The following KIAA0825 variants were observed in gnomAD, a reference collection of about 807,000 sequenced individuals.
The protein encoded by KIAA0825 is KIAA0825.
A neutral mutation model predicts 147.6 loss-of-function variants in KIAA0825; 119 were observed. The ratio of observed to expected loss-of-function variants is 0.81; its 90% CI spans 0.69 to 0.94. The LOEUF is 0.94. Among genes scored for constraint, KIAA0825 ranks in the 40% least tolerant of loss-of-function variants. The pLI is 0.00. For missense variants in KIAA0825, 1,381 were observed against 1,472.7 expected (o/e 0.94, Z 1.02); for synonymous variants, 470 against 518.1 (o/e 0.91, Z 1.26).
chr5:94,593,923 T>A (rs1303488161), intron 1 of KIAA0825: 1 of 434,664 alleles, frequency 2.3e-6, no homozygotes, highest in Non-Finnish European at 4.6e-6. Flanking sequence ...TATCCAGAAT[T>A]GAAGCAGTTT....
chr5:94,394,548 A>C (rs1345767210), intron 17 of KIAA0825, among the ~76,000 whole-genome samples: 1 of 152,168 alleles, frequency 6.6e-6, no homozygotes, highest in African/African-American at 2.4e-5. Flanking sequence ...TAAGGAAAAA[A>C]TTTAGCTTAT....
chr5:94,563,857 G>A (rs1409772477), intron 2 of KIAA0825, among the ~76,000 whole-genome samples: 2 of 151,596 alleles, frequency 1.3e-5, no homozygotes, highest in African/African-American at 4.9e-5. Context: ...GCTAATTTTT[G>A]CATTTTTAGT....
At chr5:94,541,916 A>G (rs1283376014) in intron 2 of KIAA0825, among the ~76,000 whole-genome samples, 1 of 152,268 alleles carries the variant, frequency 6.6e-6, no homozygotes, top group Non-Finnish European at 1.5e-5. Context: ...ACGTTCCAAA[A>G]TTATGCAAAA....
chr5:94,246,557 A>G (rs1442556829), intron 20 of KIAA0825, among the ~76,000 whole-genome samples: 2 of 152,136 alleles, frequency 1.3e-5, no homozygotes, highest in South Asian at 2.1e-4. Flanking sequence ...AAACTGTTAC[A>G]TATGCATTAC....
chr5:94,516,134 T>C (rs1006236764), intron 5 of KIAA0825, among the ~76,000 whole-genome samples: 1 of 152,158 alleles, frequency 6.6e-6, no homozygotes, highest in Admixed American at 6.5e-5. Context: ...TTAAGTCTAA[T>C]CACAAGCTTA....
chr5:94,470,990 G>A (rs1761147962), intron 9 of KIAA0825, among the ~76,000 whole-genome samples: 1 of 152,122 alleles, frequency 6.6e-6, no homozygotes, highest in Admixed American at 6.5e-5. Flanking sequence ...ACTGCCAGAT[G>A]CTTCCTCTTC....
chr5:94,453,098 A>G (rs1221982254), intron 12 of KIAA0825, 29 bp from the exon 13 acceptor site: 1 of 1,114,498 alleles, frequency 9.0e-7, no homozygotes, highest in East Asian at 2.8e-5. Flanking sequence ...TTAGTTTAGA[A>G]TATACAGGAA....
intron 20 of KIAA0825, among the ~76,000 whole-genome samples, chr5:94,255,158 G>A (rs903829427): frequency 4.6e-5 from 7 of 150,842 alleles, no homozygotes; most frequent in Non-Finnish European, 2.9e-5. Flanking sequence ...CATGACAATG[G>A]CATTTGATTG....
intron 20 of KIAA0825, among the ~76,000 whole-genome samples, chr5:94,216,388 A>G (rs1240679304): frequency 2.0e-5 from 3 of 152,138 alleles, no homozygotes; most frequent in Non-Finnish European, 4.4e-5. Context: ...AAACGTTTGT[A>G]CTTTGAGAGA....
At chr5:94,502,245 G>A (rs1188764500) in intron 5 of KIAA0825, among the ~76,000 whole-genome samples, 2 of 151,922 alleles carry the variant, frequency 1.3e-5, no homozygotes, top group Non-Finnish European at 2.9e-5. Flanking sequence ...ATAACAATGG[G>A]CATATAATGC....
At chr5:94,453,105 G>C (rs1290584705) in intron 12 of KIAA0825, 36 bp from the exon 13 acceptor site, 1 of 1,043,970 alleles carries the variant, frequency 9.6e-7, no homozygotes. Context: ...AGAATATACA[G>C]GAAGCATTAA....
chr5:94,404,176 A>G (rs565989353), intron 15 of KIAA0825, among the ~76,000 whole-genome samples: 1 of 152,158 alleles, frequency 6.6e-6, no homozygotes, highest in Non-Finnish European at 1.5e-5. Flanking sequence ...AATTATAAAT[A>G]TGCAAAGGAT....
At chr5:94,330,806 A>G (rs922899572) in intron 20 of KIAA0825, among the ~76,000 whole-genome samples, 11 of 152,044 alleles carry the variant, frequency 7.2e-5, no homozygotes, top group African/African-American at 2.7e-4. Flanking sequence ...TTCCCCTCAA[A>G]AGAGAGAGAG....
At chr5:94,204,306 G>C (rs1306686602) in intron 20 of KIAA0825, among the ~76,000 whole-genome samples, 1 of 152,144 alleles carries the variant, frequency 6.6e-6, no homozygotes, top group Admixed American at 6.5e-5. Flanking sequence ...CAGAGTTCAA[G>C]TTCACATTAA....
At chr5:94,501,046 G>A (rs1435343726) in intron 5 of KIAA0825, among the ~76,000 whole-genome samples, 1 of 151,902 alleles carries the variant, frequency 6.6e-6, no homozygotes, top group Admixed American at 6.6e-5. Context: ...GTGAGCCACT[G>A]CACCCGCCTC....
chr5:94,290,944 T>C (rs1341078368), intron 20 of KIAA0825, among the ~76,000 whole-genome samples: 1 of 152,258 alleles, frequency 6.6e-6, no homozygotes, highest in Non-Finnish European at 1.5e-5. Flanking sequence ...TTGAAAAGTA[T>C]CTGTTCATAT....
chr5:94,174,383 A>G lies in KIAA0825; in HGVS notation c.3711-20259T>C, dbSNP rs552963998. ...TGCAAATCCAAGTAAATATATATAT[A>G]TATTTAAAATGCTTACTTATTCCCT... On this transcript the variant is annotated intron_variant, in intron 20 of 20. Coordinates refer to ENST00000682413, the MANE Select transcript of KIAA0825 (RefSeq NM_001145678.3). Among the ~76,000 whole-genome samples, 17 of 152,246 alleles carry G rather than the reference A, an allele frequency of 1.1e-4. No individual in the cohort carries two copies. In the South Asian group the frequency reaches 2.9e-3, roughly 26 times the overall value.
At chr5:94,469,619 T>C (rs1477750072) in intron 10 of KIAA0825, among the ~76,000 whole-genome samples, 3 of 152,166 alleles carry the variant, frequency 2.0e-5, no homozygotes, top group African/African-American at 7.2e-5. Context: ...CCATAACTAA[T>C]TGGTCTCTTT....
chr5:94,387,493 A>C (rs1476111489), intron 18 of KIAA0825, among the ~76,000 whole-genome samples: 1 of 152,182 alleles, frequency 6.6e-6, no homozygotes, highest in Non-Finnish European at 1.5e-5. Flanking sequence ...TGGGAGTTCC[A>C]GACCAGCCTG....
Sources: gnomAD v4.1 joint callset for allele counts (sites outside exome capture counted in the v4.1 genomes callset) on GRCh38, gnomAD v4.1.1 for gene constraint, MANE v1.5 for transcripts, NCBI Gene and HGNC (gene_info 2026-07-23, HGNC 2026-07-21) for gene names.